Variants in A2ML1 observed in about 807,000 individuals in gnomAD.
The protein encoded by A2ML1 is alpha-2-macroglobulin like 1.
Under a neutral mutation model 181.9 loss-of-function variants are expected in A2ML1, and 161 were observed. The observed-to-expected ratio is 0.89, with a 90% CI of 0.78 to 1.01. The LOEUF is 1.01. Ranked by LOEUF, A2ML1 falls within the 50% of genes least tolerant of loss-of-function variation. The pLI is 0.00. For synonymous variants in A2ML1, 663 were observed against 666.8 expected, an observed-to-expected ratio of 0.99 and a Z score of 0.09; for missense variants, 1,670 against 1,768.1, an observed-to-expected ratio of 0.94 and a Z score of 1.00.
chr12:8,863,890 C>T lies in A2ML1; in HGVS notation c.3599C>T (p.Ala1200Val). 6.2e-7 allele frequency: 1 copy of T among 1,614,192 alleles called. No homozygotes were observed. Among genetic ancestry groups the T allele is most frequent in the Non-Finnish European group, 8.5e-7 (1 of 1,180,024 alleles). ...GTAGATGTGGAACTCACAGCATATG[C>T]ATTGTTGGCCCAGCTTACCAAGCCC... ...AAVDVELTAY[A>V]LLAQLTKPSL... Residue 1200 changes from alanine to valine, a missense_variant, in exon 29 of 36, where the codon GCA (alanine) becomes GTA (valine). Physicochemically the swap from Ala to Val is moderately conservative, Grantham distance 64. Coordinates refer to ENST00000299698, the MANE Select transcript of A2ML1 (RefSeq NM_144670.6).
chr12:8,853,040 G>A (rs891744363), intron 20 of A2ML1, among the ~76,000 whole-genome samples: 1 of 152,140 alleles, frequency 6.6e-6, no homozygotes, highest in Non-Finnish European at 1.5e-5. Flanking sequence ...TGTCACCTAA[G>A]CTGGAGTACA....
intron 33 of A2ML1, among the ~76,000 whole-genome samples, chr12:8,871,822 C>T (rs1944631951): frequency 6.6e-6 from 1 of 151,948 alleles, no homozygotes; most frequent in Non-Finnish European, 1.5e-5. Flanking sequence ...TTACACTCCC[C>T]CACCGCCACA....
Position 8,855,500 on chromosome 12 carries a change from A to T in A2ML1, c.2765-9A>T. The T allele has an allele frequency of 6.2e-7, 1 of 1,613,326 alleles. No individual in the cohort carries two copies. Among genetic ancestry groups the T allele is most frequent in the Admixed American group, 1.7e-5 (1 of 59,750 alleles). ...TCTATTGTGTCACCTTTTTTTCTGCATCTCACAGGAAAGGTGGCATCTGAA... is the reference window on the plus strand; with the variant it reads ...TCTATTGTGTCACCTTTTTTTCTGCTTCTCACAGGAAAGGTGGCATCTGAA... On this transcript the variant is annotated splice_polypyrimidine_tract_variant and intron_variant, in intron 22 of 35. Transcript: ENST00000299698.
intron 9 of A2ML1, 116 bp downstream of exon 9, chr12:8,838,566 T>C: frequency 1.5e-6 from 1 of 667,896 alleles, no homozygotes; most frequent in Non-Finnish European, 2.5e-6. Context: ...GATGGTACCT[T>C]GTTCCTAGTT....
intron 4 of A2ML1, among the ~76,000 whole-genome samples, chr12:8,832,917 T>C (rs1203018881): frequency 3.3e-5 from 5 of 152,090 alleles, no homozygotes; most frequent in Admixed American, 2.6e-4. Context: ...CCTGTCTAAC[T>C]TGATTGCTAT....
rs376574474 is a variant in A2ML1 at position 8,863,939 on chromosome 12, G to A, written c.3648G>A (p.Ala1216=). The A allele has an allele frequency of 3.9e-5, 63 of 1,613,916 alleles. No homozygotes were observed. The highest frequency in any genetic ancestry group is 1.5e-4 in the Admixed American group (9 of 60,018). The change falls in exon 29 of 36, where the codon GCG becomes GCA. Residue 1216 remains alanine (A), a synonymous_variant. Coordinates refer to ENST00000299698, the MANE Select transcript of A2ML1 (RefSeq NM_144670.6). ...TKPSLTQKEI[A]KATSIVAWLA... is the part of the protein sequence containing the mutation. ...CCAGCCTGACTCAAAAGGAGATAGC[G>A]AAGGCCACTAGCATAGTGGCTTGGT...
chr12:8,828,707 C>T (rs953578144), intron 3 of A2ML1, among the ~76,000 whole-genome samples: 2 of 152,098 alleles, frequency 1.3e-5, no homozygotes, highest in Non-Finnish European at 1.5e-5. Flanking sequence ...TGGGAATGTG[C>T]TGAATCACTG....
intron 7 of A2ML1, among the ~76,000 whole-genome samples, chr12:8,884,246 GT>G (rs979518549): frequency 7.4e-6 from 1 of 134,940 alleles, no homozygotes; most frequent in Non-Finnish European, 1.6e-5. Flanking sequence ...TTTTTGTTTT[GT>G]TTTTTTTTAA....
At chr12:8,844,887 GC>G in intron 12 of A2ML1, 1 of 804,462 alleles carries the variant, frequency 1.2e-6, no homozygotes, top group Non-Finnish European at 1.6e-6. Context: ...CGACCTTGGA[GC>G]CCTGCAGGAG....
chr12:8,830,000 T>C (rs778091878), intron 4 of A2ML1, among the ~76,000 whole-genome samples: 1 of 152,262 alleles, frequency 6.6e-6, no homozygotes, highest in South Asian at 2.1e-4. Flanking sequence ...CTTCAGTATC[T>C]ACACATTCAT....
intron 1 of A2ML1, 94 bp downstream of exon 1, chr12:8,822,807 G>A (rs1942786768): frequency 1.6e-6 from 2 of 1,220,648 alleles, no homozygotes; most frequent in Non-Finnish European, 1.2e-6. Context: ...GATCAACTTT[G>A]GTTTATCTTA....
chr12:8,834,741 G>C (rs1441945783), intron 5 of A2ML1, 59 bp downstream of exon 5: 2 of 1,604,540 alleles, frequency 1.2e-6, no homozygotes, highest in African/African-American at 2.7e-5. Flanking sequence ...ATGAGAATTT[G>C]GTGGTACACC....
At chr12:8,842,995 C>G (rs999184572) in intron 11 of A2ML1, 139 bp from the exon 12 acceptor site, 1 of 734,810 alleles carries the variant, frequency 1.4e-6, no homozygotes, top group Non-Finnish European at 2.2e-6. Context: ...TTGGCTGGAC[C>G]GCTAATGAAA....
chr12:8,860,854 A>T (rs770628152), intron 26 of A2ML1, 27 bp from the exon 27 acceptor site: 15 of 1,609,690 alleles, frequency 9.3e-6, no homozygotes, highest in Non-Finnish European at 1.3e-5. Context: ...TGCTGCCCTG[A>T]CTCACTGCCT....
At position 8,837,483 on chromosome 12, in the gene A2ML1, G is replaced by A; in HGVS notation, c.772G>A (p.Val258Met). ...CATGCTAGGGGCAGTGCAGGTATCT[G>A]TGTGTCAGAAGGCAAATACTTACTG... ...KPMLGAVQVS[V>M]CQKANTYWYR... Residue 258 changes from valine to methionine, a missense_variant, in exon 8 of 36, where the codon GTG (valine) becomes ATG (methionine). By Grantham distance (21) the Val-to-Met change is conservative. Transcript: ENST00000299698. The A allele has an allele frequency of 6.2e-7, 1 of 1,614,142 alleles. No individual in the cohort carries two copies. Among genetic ancestry groups the A allele is most frequent in the Non-Finnish European group, 8.5e-7 (1 of 1,179,982 alleles).
intron 7 of A2ML1, among the ~76,000 whole-genome samples, chr12:8,885,989 C>T (rs987173970): frequency 3.1e-4 from 46 of 146,666 alleles, no homozygotes; most frequent in Admixed American, 3.1e-3. Context: ...TTGTTTACTT[C>T]GCCTATCCTT....
chr12:8,871,902 G>A (rs1301586244), intron 33 of A2ML1, among the ~76,000 whole-genome samples: 3 of 151,934 alleles, frequency 2.0e-5, no homozygotes, highest in African/African-American at 4.8e-5. Flanking sequence ...CTACCTGGCC[G>A]GGCGCAGTGG....
chr12:8,868,815 GCATCCATATACA>G (rs1944522520), intron 32 of A2ML1, among the ~76,000 whole-genome samples, 188 bp downstream of exon 32: 1 of 151,236 alleles, frequency 6.6e-6, no homozygotes, highest in Non-Finnish European at 1.5e-5. Context: ...TATATATATG[GCATCCATATACA>G]CAGTATGTGA....
chr12:8,829,334 G>C (rs1023643059), intron 3 of A2ML1, among the ~76,000 whole-genome samples: 2 of 152,174 alleles, frequency 1.3e-5, no homozygotes, highest in African/African-American at 4.8e-5. Flanking sequence ...CTGACTCAGA[G>C]CATGTGTGAG....
Sources: allele counts gnomAD v4.1 joint callset (sites outside exome capture counted in the v4.1 genomes callset), GRCh38; gene constraint gnomAD v4.1.1; transcripts MANE v1.5; gene names NCBI Gene and HGNC (gene_info 2026-07-23, HGNC 2026-07-21).